SPINK6: variants seen among roughly 807,000 people sequenced by gnomAD.
The protein encoded by SPINK6 is serine peptidase inhibitor Kazal type 6.
Under a neutral mutation model 11.7 loss-of-function variants are expected in SPINK6, and 13 were observed. That is an observed-to-expected ratio of 1.11 (90% CI 0.72 to 1.76). The LOEUF (loss-of-function observed/expected upper bound fraction) is 1.76. Among genes scored for constraint, SPINK6 ranks in the 40% most tolerant of loss-of-function variants. The pLI is 0.00. For missense variants in SPINK6, 98 were observed against 93.7 expected (o/e 1.05, Z -0.19); for synonymous variants, 21 against 31.9 (o/e 0.66, Z 1.15).
intron 1 of SPINK6, among the ~76,000 whole-genome samples, chr5:148,204,517 A>C (rs1452778995): frequency 6.7e-6 from 1 of 149,894 alleles, no homozygotes. Flanking sequence ...CATAATGCCT[A>C]AGGGCCTTAA....
chr5:148,204,062 C>T (rs1451216057), intron 1 of SPINK6, among the ~76,000 whole-genome samples: 1 of 151,916 alleles, frequency 6.6e-6, no homozygotes, highest in Non-Finnish European at 1.5e-5. Flanking sequence ...TGGGACCTTC[C>T]ATATCTTATG....
chr5:148,208,561 C>T (rs1755529560), intron 2 of SPINK6, among the ~76,000 whole-genome samples: 1 of 152,128 alleles, frequency 6.6e-6, no homozygotes, highest in Non-Finnish European at 1.5e-5. Context: ...CAAAAAATAT[C>T]ACATTAATTT....
upstream of SPINK6, chr5:148,202,806 T>C (rs1228642930): frequency 3.4e-6 from 1 of 294,782 alleles, no homozygotes; most frequent in African/African-American, 2.2e-5. Flanking sequence ...AGTGAAACTT[T>C]AGAAAGAAGA....
At position 148,212,833 on chromosome 5, in the gene SPINK6, G is replaced by A. The variant is rs1347998097; in HGVS notation, c.82-1077G>A. Reference sequence around the variant, plus strand: ...GCAACATAGCAAGACTATCTCTAAAGTATATATATTTAGTATATAAATATA... The same window carrying A: ...GCAACATAGCAAGACTATCTCTAAAATATATATATTTAGTATATAAATATA... On this transcript the variant is annotated intron_variant, in intron 2 of 3. Coordinates refer to ENST00000325630, the MANE Select transcript of SPINK6 (RefSeq NM_205841.4). Among the ~76,000 whole-genome samples, 6 of 136,642 alleles carry A rather than the reference G, an allele frequency of 4.4e-5. 2 individuals are homozygous for A. Among genetic ancestry groups the A allele is most frequent in the African/African-American group, 1.4e-4 (5 of 36,846 alleles). 89.6% of individuals were successfully genotyped at this position (136,642 alleles called of 152,430 possible).
chr5:148,203,652 A>C (rs1340141365), intron 1 of SPINK6, among the ~76,000 whole-genome samples: 1 of 152,210 alleles, frequency 6.6e-6, no homozygotes, highest in African/African-American at 2.4e-5. Flanking sequence ...AAGACATTCA[A>C]ATAATTAAAT....
At chr5:148,211,359 G>C (rs907295952) in intron 2 of SPINK6, among the ~76,000 whole-genome samples, 3 of 152,132 alleles carry the variant, frequency 2.0e-5, no homozygotes, top group African/African-American at 7.2e-5. Context: ...AGAGTCCCAG[G>C]ATACCATTTA....
chr5:148,213,495 A>G (rs999138572), intron 2 of SPINK6, among the ~76,000 whole-genome samples: 1 of 152,018 alleles, frequency 6.6e-6, no homozygotes, highest in Middle Eastern at 3.2e-3. Context: ...CACCGCGCCC[A>G]GCCCATCCAT....
At position 148,214,887 on chromosome 5, in the gene SPINK6, T is replaced by C; in HGVS notation, c.198-18T>C. 1 of 1,610,900 alleles carries C rather than the reference T, an allele frequency of 6.2e-7. No individual in the cohort carries two copies. The highest frequency in any genetic ancestry group is 1.3e-5 in the African/African-American group (1 of 75,004). On this transcript the variant is annotated intron_variant, in intron 3 of 3. Transcript: ENST00000325630. ...TACGATATTGCACTGAGTATATATT[T>C]GTCTTTCTTTTTTGTAGGAAAAGTG... is the stretch of plus-strand genomic sequence containing the variant.
At position 148,213,971 on chromosome 5, in the gene SPINK6, G is replaced by A. The variant is rs768560822; in HGVS notation, c.143G>A (p.Cys48Tyr). 1 of 1,613,982 alleles carries A rather than the reference G, an allele frequency of 6.2e-7. No individual in the cohort carries two copies. Among genetic ancestry groups the A allele is most frequent in the Non-Finnish European group, 8.5e-7 (1 of 1,179,856 alleles). Residue 48 changes from cysteine to tyrosine, a missense_variant, in exon 3 of 4, where the codon TGT (cysteine) becomes TAT (tyrosine). By Grantham distance (194) the Cys-to-Tyr change is radical. Coordinates refer to ENST00000325630, the MANE Select transcript of SPINK6 (RefSeq NM_205841.4). ...VYCTRESNPH[C>Y]GSDGQTYGNK... ...TGCACTCGGGAATCTAACCCACACT[G>A]TGGCTCTGATGGCCAGACATATGGC... is the stretch of plus-strand genomic sequence containing the variant.
chr5:148,203,595 G>T (rs1755461920), intron 1 of SPINK6, among the ~76,000 whole-genome samples: 1 of 152,074 alleles, frequency 6.6e-6, no homozygotes, highest in African/African-American at 2.4e-5. Flanking sequence ...TATTGGTTTT[G>T]CTTTCCAGAA....
chr5:148,212,612 ATT>A (rs1440744524), intron 2 of SPINK6, among the ~76,000 whole-genome samples: 1 of 104,430 alleles, frequency 9.6e-6, no homozygotes, highest in African/African-American at 4.1e-5. Context: ...TATAATATAT[ATT>A]TATATTATAT....
At chr5:148,207,908 C>G (rs1755521382) in intron 2 of SPINK6, among the ~76,000 whole-genome samples, 1 of 152,124 alleles carries the variant, frequency 6.6e-6, no homozygotes, top group African/African-American at 2.4e-5. Context: ...ACTAAATATA[C>G]AGATCCCCAG....
At chr5:148,211,146 G>C (rs533090867) in intron 2 of SPINK6, among the ~76,000 whole-genome samples, 1 of 122,364 alleles carries the variant, frequency 8.2e-6, no homozygotes, top group South Asian at 2.1e-4. Context: ...CTGGGGCCCA[G>C]AGAGAGTGGT....
At chr5:148,210,869 A>C (rs578172710) in intron 2 of SPINK6, among the ~76,000 whole-genome samples, 7 of 152,118 alleles carry the variant, frequency 4.6e-5, no homozygotes, top group Non-Finnish European at 8.8e-5. Context: ...AATAAGGGTG[A>C]GGGGAAGCCA....
chr5:148,210,616 T>C (rs1277383592), intron 2 of SPINK6, among the ~76,000 whole-genome samples: 7 of 151,990 alleles, frequency 4.6e-5, no homozygotes, highest in Middle Eastern at 6.8e-3. Context: ...AAACCAAGTA[T>C]ATTAAACTAT....
At chr5:148,206,849 G>A (rs771059109) in intron 2 of SPINK6, among the ~76,000 whole-genome samples, 1 of 152,164 alleles carries the variant, frequency 6.6e-6, no homozygotes, top group South Asian at 2.1e-4. Context: ...GGCGTGCCTT[G>A]TTATACCTTT....
At chr5:148,208,906 T>C (rs1284864141) in intron 2 of SPINK6, among the ~76,000 whole-genome samples, 2 of 152,240 alleles carry the variant, frequency 1.3e-5, no homozygotes, top group East Asian at 1.9e-4. Context: ...TCAGGCTCTG[T>C]ATTTGGGAAC....
chr5:148,209,969 T>G (rs13158727), intron 2 of SPINK6, among the ~76,000 whole-genome samples: 1 of 126,610 alleles, frequency 7.9e-6, no homozygotes, highest in Non-Finnish European at 1.7e-5. Context: ...TATACATACA[T>G]ACGTACGTAT....
chr5:148,210,044 A>G (rs1160945567), intron 2 of SPINK6, among the ~76,000 whole-genome samples: 2 of 99,550 alleles, frequency 2.0e-5, no homozygotes, highest in African/African-American at 3.1e-5. Flanking sequence ...AAACGTATGT[A>G]TGCATATATG....
Sources: allele counts gnomAD v4.1 joint callset (sites outside exome capture counted in the v4.1 genomes callset), GRCh38; gene constraint gnomAD v4.1.1; transcripts MANE v1.5; gene names NCBI Gene and HGNC (gene_info 2026-07-23, HGNC 2026-07-21).